The following RRM1 variants were observed in gnomAD, a reference collection of about 807,000 sequenced individuals.
RRM1 encodes ribonucleotide reductase catalytic subunit M1.
A neutral mutation model predicts 101.5 loss-of-function variants in RRM1; 19 were observed. That is an observed-to-expected ratio of 0.19 (90% confidence interval 0.13 to 0.27). The LOEUF is 0.27. Among genes scored for constraint, RRM1 ranks in the 10% least tolerant of loss-of-function variants. The pLI is 1.00. For synonymous variants in RRM1, 298 were observed against 323.4 expected (o/e 0.92, Z 0.84); for missense variants, 500 against 962.9 (o/e 0.52, Z 6.36).
intron 9 of RRM1, 54 bp from the exon 10 acceptor site, chr11:4,121,550 T>G (rs1477657455): frequency 1.6e-5 from 23 of 1,417,200 alleles, no homozygotes; most frequent in Non-Finnish European, 9.6e-7. Flanking sequence ...GGAGACATGA[T>G]GTTTCTTTGT....
At chr11:4,129,955 A>AACCTGTGT (rs1481294903) in intron 15 of RRM1, among the ~76,000 whole-genome samples, 1 of 150,526 alleles carries the variant, frequency 6.6e-6, no homozygotes, top group Non-Finnish European at 1.5e-5. Flanking sequence ...TCCCCCAGAA[A>AACCTGTGT]ACCTGTGTGC....
rs116629008 is a variant in RRM1, at chr11:4,117,378, G to A, written c.651-942G>A. Among the ~76,000 whole-genome samples the A allele has an allele frequency of 9.7e-4, 148 of 152,228 alleles. 1 individual carries two copies. Among genetic ancestry groups the A allele is most frequent in the African/African-American group, 3.4e-3 (140 of 41,526 alleles). On this transcript the variant is annotated intron_variant, in intron 7 of 18. Transcript: ENST00000300738. ...CATTGTTTGGAATTGCAAATGAATT[G>A]GAAATAATCCAGATGTTCATCAACA...
At position 4,138,673 on chromosome 11, in the gene RRM1, A is replaced by T; in HGVS notation, c.*290A>T. ...AAAATAAGTCATCTTGCATACAGGGAGTGGTTAAGTAAGGTTTCATCACCC... is the reference window on the plus strand; with the variant it reads ...AAAATAAGTCATCTTGCATACAGGGTGTGGTTAAGTAAGGTTTCATCACCC... On this transcript the variant is annotated 3_prime_UTR_variant, in exon 19 of 19. Coordinates refer to ENST00000300738, the MANE Select transcript of RRM1 (RefSeq NM_001033.5). The T allele has an allele frequency of 3.9e-6, 1 of 258,010 alleles. No individual in the cohort carries two copies. The highest frequency in any genetic ancestry group is 5.8e-5 in the East Asian group (1 of 17,324). 16.0% of individuals were successfully genotyped at this position (258,010 alleles called of 1,614,324 possible). A position where few individuals can be genotyped will look rare whatever the true frequency, so the allele number is the denominator to read the frequency against.
At chr11:4,099,109 G>C (rs2094547324) in intron 1 of RRM1, among the ~76,000 whole-genome samples, 1 of 151,974 alleles carries the variant, frequency 6.6e-6, no homozygotes, top group Admixed American at 6.6e-5. Flanking sequence ...ATAGCCAAGA[G>C]GAAATCACAC....
chr11:4,120,388 T>TA (rs1554974999), intron 9 of RRM1, among the ~76,000 whole-genome samples: 1 of 152,080 alleles, frequency 6.6e-6, no homozygotes, highest in Non-Finnish European at 1.5e-5. Context: ...TTTTTTTTTT[T>TA]ATCTCTCTCT....
chr11:4,135,050 A>T, intron 17 of RRM1, 32 bp from the exon 18 acceptor site: 2 of 1,506,606 alleles, frequency 1.3e-6, no homozygotes, highest in Non-Finnish European at 9.1e-7. Flanking sequence ...CTTTAACTGG[A>T]GTAAAGTAAA....
rs781725755 is a variant in RRM1, at chr11:4,095,035, A to AG, written c.19+11dup. 1.9e-4 allele frequency: 292 copies of AG among 1,569,396 alleles called. No homozygotes were observed. Among genetic ancestry groups the AG allele is most frequent in the Middle Eastern group, 5.5e-4 (3 of 5,410 alleles). ...GCGATGCATGTGATCAAGCGAGGTG[A>AG]GGGGGGGACGAGGTGGGCGAGAAGG... On this transcript the variant is annotated splice_donor_region_variant and intron_variant, in intron 1 of 18. Transcript: ENST00000300738.
intron 14 of RRM1, 123 bp downstream of exon 14, chr11:4,127,379 C>CA: frequency 1.8e-6 from 1 of 566,250 alleles, no homozygotes; most frequent in Non-Finnish European, 2.8e-6. Context: ...TCATTTGGTT[C>CA]AAAAAAAGGT....
At chr11:4,127,870 A>G (rs539251942) in intron 14 of RRM1, among the ~76,000 whole-genome samples, 111 of 152,288 alleles carry the variant, frequency 7.3e-4, no homozygotes, top group African/African-American at 2.6e-3. Context: ...GTTATCTCAC[A>G]GTTTCCACAG....
chr11:4,128,613 C>T (rs907838464), intron 14 of RRM1, among the ~76,000 whole-genome samples: 1 of 152,210 alleles, frequency 6.6e-6, no homozygotes, highest in African/African-American at 2.4e-5. Flanking sequence ...GCCTTTCCCA[C>T]TGCCTTTATT....
chr11:4,136,621 A>G (rs2094610436), intron 18 of RRM1, among the ~76,000 whole-genome samples: 1 of 151,580 alleles, frequency 6.6e-6, no homozygotes, highest in Non-Finnish European at 1.5e-5. Context: ...GCAATGATAC[A>G]GTCTTGGCTC....
intron 2 of RRM1, among the ~76,000 whole-genome samples, chr11:4,103,004 T>C (rs1326999090): frequency 6.6e-6 from 1 of 152,236 alleles, no homozygotes; most frequent in Non-Finnish European, 1.5e-5. Context: ...CTCTAAGAAC[T>C]CTTTTTTTCA....
chr11:4,115,613 G>A (rs190097517), intron 7 of RRM1, among the ~76,000 whole-genome samples: 4 of 151,926 alleles, frequency 2.6e-5, no homozygotes, highest in Admixed American at 2.6e-4. Flanking sequence ...CTGGAGTGCA[G>A]TGGCACGATT....
At chr11:4,123,925 A>C (rs1475999688) in intron 12 of RRM1, among the ~76,000 whole-genome samples, 1 of 152,264 alleles carries the variant, frequency 6.6e-6, no homozygotes. Context: ...AAGAGACTTC[A>C]CAGAAGAATC....
rs1422153286 is a variant in RRM1 at position 4,132,492 on chromosome 11, A to G, written c.1905+71A>G. On this transcript the variant is annotated intron_variant, in intron 16 of 18. Transcript: ENST00000300738. The surrounding 1 kb of genome is among the most constrained non-coding windows in gnomAD (Gnocchi z 4.1). ...TGATGTTGGGAGTAAATGCTCACTC[A>G]TGTTTAATTTGCCCATTTTCTTAGT... is the stretch of plus-strand genomic sequence containing the variant. 2 of 1,533,272 alleles carry G rather than the reference A, an allele frequency of 1.3e-6. No individual in the cohort carries two copies. The highest frequency in any genetic ancestry group is 1.8e-6 in the Non-Finnish European group (2 of 1,122,126). The allele number at this position is 1,533,272 out of a possible 1,614,324, so 95.0% of individuals were successfully genotyped here.
At chr11:4,101,559 A>ACCCC (rs1210051127) in intron 1 of RRM1, among the ~76,000 whole-genome samples, 9 of 105,914 alleles carry the variant, frequency 8.5e-5, no homozygotes, top group South Asian at 3.4e-4. Context: ...AGTGATCCAC[A>ACCCC]CCCCCCCCCG....
At chr11:4,123,415 A>G (rs369857905) in intron 12 of RRM1, 31 bp downstream of exon 12, 38 of 1,544,458 alleles carry the variant, frequency 2.5e-5, no homozygotes, top group African/African-American at 4.1e-5. Flanking sequence ...CTAGAGTACT[A>G]AGAAGAGAAC....
Position 4,109,657 on chromosome 11 carries a change from C to G in RRM1, c.401C>G (p.Ala134Gly), listed in dbSNP as rs1421137672. 1 of 1,609,222 alleles carries G rather than the reference C, an allele frequency of 6.2e-7. No homozygotes were observed. Among genetic ancestry groups the G allele is most frequent in the South Asian group, 1.1e-5 (1 of 89,954 alleles). The change falls in exon 5 of 19, where the codon GCT becomes GGT. Residue 134 changes from alanine (A) to glycine (G), a missense_variant. Around this residue, in one of 9 missense-constraint regions of RRM1, gnomAD observed 111 missense variants for 219.8 expected, o/e 0.51. Transcript: ENST00000300738. ...CACCCCTATCAGCGCCTGAATTCTG[C>G]TATTATCTATGACCGAGATTTCTCT... ...VLANKDRLNS[A>G]IIYDRDFSYN...
chr11:4,128,114 TAA>T (rs2094592846), intron 14 of RRM1, among the ~76,000 whole-genome samples: 1 of 151,884 alleles, frequency 6.6e-6, no homozygotes, highest in African/African-American at 2.4e-5. Flanking sequence ...TTTCACCTGA[TAA>T]GTTAGGTCCA....
Sources: gnomAD v4.1 joint callset for allele counts (sites outside exome capture counted in the v4.1 genomes callset) on GRCh38, gnomAD v4.1.1 for gene constraint, gnomAD v4.1.1 regional missense constraint, Gnocchi (gnomAD v3.1) non-coding constraint, MANE v1.5 for transcripts, NCBI Gene and HGNC (gene_info 2026-07-23, HGNC 2026-07-21) for gene names.